The following HDAC2 variants were observed in gnomAD, a reference collection of about 807,000 sequenced individuals.
HDAC2 encodes the protein YY1-associated factor 1.
HDAC2 carries 5 observed loss-of-function variants against 68.5 expected under a neutral mutation model. The ratio of observed to expected loss-of-function variants is 0.07; its 90% CI spans 0.04 to 0.15. HDAC2 has a LOEUF of 0.15. HDAC2 is among the 10% of genes least tolerant of loss of function. The pLI is 1.00. For synonymous variants in HDAC2, 182 were observed against 191.3 expected (o/e 0.95, Z 0.40); for missense variants, 291 against 600.8 (o/e 0.48, Z 5.39).
chr6:113,956,461 T>C (rs2475631), intron 4 of HDAC2, 158 bp downstream of exon 4: 206,498 of 612,260 alleles, frequency 0.34, 35,872 homozygotes, highest in Admixed American at 0.38. Context: ...TCATAAAACA[T>C]AGAGGTTTGA....
intron 2 of HDAC2, 187 bp downstream of exon 2, chr6:113,959,719 G>T (rs1389653957): frequency 2.4e-6 from 1 of 413,994 alleles, no homozygotes; most frequent in Non-Finnish European, 4.3e-6. Context: ...TAAAGGAAAA[G>T]GAAAAAGAGG....
intron 2 of HDAC2, chr6:113,959,596 T>TAAAAAAAAAAAA (rs771822379): frequency 8.2e-6 from 1 of 122,238 alleles, no homozygotes. Context: ...ACAATTATTG[T>TAAAAAAAAAAAA]AAAAAAAAAA....
chr6:113,944,407 C>G lies in HDAC2; in HGVS notation c.1095G>C (p.Gln365His). Residue 365 changes from glutamine to histidine, a missense_variant, in exon 11 of 14, where the codon CAG becomes CAC. Coordinates refer to ENST00000519065, the MANE Select transcript of HDAC2 (RefSeq NM_001527.4). Reference protein sequence around the residue: ...NTPEYMEKIKQRLFENLRMLP... With the variant: ...NTPEYMEKIKHRLFENLRMLP... Reference sequence around the variant, plus strand: ...ACATGCGCAAATTTTCAAACAAACGCTGTCTAAATTACACATGCAAAGTTT... The same window carrying G: ...ACATGCGCAAATTTTCAAACAAACGGTGTCTAAATTACACATGCAAAGTTT... 2 of 1,612,712 alleles carry G rather than the reference C, an allele frequency of 1.2e-6. No homozygotes were observed. Among genetic ancestry groups the G allele is most frequent in the Non-Finnish European group, 1.7e-6 (2 of 1,179,128 alleles).
rs1309350317 is a variant in HDAC2 at position 113,936,664 on chromosome 6, G to A, written c.*4394C>T. On this transcript the variant is annotated 3_prime_UTR_variant, in exon 14 of 14. Transcript: ENST00000519065. ...ACTCAAAAATTTAACACTTCCCCTG[G>A]CACCACTCTCACCCATCTATCTACC... is the stretch of plus-strand genomic sequence containing the variant. 6.6e-6 allele frequency: 1 copy of A among 152,136 alleles called. No homozygotes were observed. Among genetic ancestry groups the A allele is most frequent in the African/African-American group, 2.4e-5 (1 of 41,390 alleles). 9.4% of individuals were successfully genotyped at this position (152,136 alleles called of 1,614,324 possible). A position where few individuals can be genotyped will look rare whatever the true frequency, so the allele number is the denominator to read the frequency against.
At chr6:113,968,619 G>C (rs927945265) in intron 1 of HDAC2, 1 of 152,144 alleles carries the variant, frequency 6.6e-6, no homozygotes, top group African/African-American at 2.4e-5. Flanking sequence ...ACAGACAAAA[G>C]ACAAAATAAC....
chr6:113,970,879 T>C lies in HDAC2; in HGVS notation c.30A>G (p.Lys10=). The change falls in exon 1 of 14, where the codon AAA becomes AAG. Residue 10 remains lysine (K), a synonymous_variant. Transcript: ENST00000519065. MAYSQGGGK[K]KVCYYYDGDI... is the part of the protein sequence containing the mutation. ...CACCGTCGTAGTAGTAGCAGACTTT[T>C]TTTTTGCCGCCTCCTTGACTGTACG... The C allele has an allele frequency of 6.5e-7, 1 of 1,545,650 alleles. No homozygotes were observed. The highest frequency in any genetic ancestry group is 8.7e-7 in the Non-Finnish European group (1 of 1,146,402).
At chr6:113,946,186 T>C in intron 8 of HDAC2, 38 bp from the exon 9 acceptor site, 2 of 1,563,924 alleles carry the variant, frequency 1.3e-6, no homozygotes, top group Non-Finnish European at 1.7e-6. Flanking sequence ...AAAATCTGCA[T>C]ACTGCAACAG....
intron 5 of HDAC2, 35 bp from the exon 6 acceptor site, chr6:113,953,453 TA>T: frequency 1.4e-6 from 2 of 1,381,674 alleles, no homozygotes; most frequent in Non-Finnish European, 2.0e-6. Flanking sequence ...GTTTTTCCTT[TA>T]AAGGTTCTAA....
intron 8 of HDAC2, chr6:113,947,856 T>C (rs1028161851): frequency 4.6e-5 from 7 of 152,154 alleles, no homozygotes; most frequent in African/African-American, 1.7e-4. Flanking sequence ...CTGTATTTAG[T>C]TATCCAATTC....
rs1369526607 is a variant in HDAC2 at position 113,938,779 on chromosome 6, G to C, written c.*2279C>G. The C allele has an allele frequency of 1.3e-5, 2 of 152,052 alleles. No individual in the cohort carries two copies. The highest frequency in any genetic ancestry group is 2.9e-5 in the Non-Finnish European group (2 of 67,988). The allele number at this position is 152,052 out of a possible 1,614,324, so 9.4% of individuals were successfully genotyped here. A position where few individuals can be genotyped will look rare whatever the true frequency, so the allele number is the denominator to read the frequency against. On this transcript the variant is annotated 3_prime_UTR_variant, in exon 14 of 14. Coordinates refer to ENST00000519065, the MANE Select transcript of HDAC2 (RefSeq NM_001527.4). ...AAAAATTTTGTTATTACAAATGGGG[G>C]TCTTTGTTCTTCCAACAGACTTGGT...
At position 113,939,386 on chromosome 6, in the gene HDAC2, A is replaced by G. The variant is rs1413124721; in HGVS notation, c.*1672T>C. On this transcript the variant is annotated 3_prime_UTR_variant, in exon 14 of 14. Coordinates refer to ENST00000519065, the MANE Select transcript of HDAC2 (RefSeq NM_001527.4). ...GTGATGGGTCCACCAAAATCCCACA[A>G]ATCACCACTAAAGAACTTAATCATG... 3 of 152,208 alleles carry G rather than the reference A, an allele frequency of 2.0e-5. No homozygotes were observed. The highest frequency in any genetic ancestry group is 4.4e-5 in the Non-Finnish European group (3 of 68,042). The allele number at this position is 152,208 out of a possible 1,614,324, so 9.4% of individuals were successfully genotyped here. A position where few individuals can be genotyped will look rare whatever the true frequency, so the allele number is the denominator to read the frequency against.
chr6:113,942,277 G>A (rs1276247214), intron 12 of HDAC2, among the ~76,000 whole-genome samples: 2 of 152,008 alleles, frequency 1.3e-5, no homozygotes, highest in African/African-American at 4.8e-5. Context: ...ATTTTTGGAT[G>A]TCAATCAGTT....
intron 2 of HDAC2, among the ~76,000 whole-genome samples, chr6:113,959,319 T>C (rs1044595207): frequency 6.6e-6 from 1 of 152,096 alleles, no homozygotes; most frequent in Non-Finnish European, 1.5e-5. Context: ...TATTCACATA[T>C]ATTGCCTAGC....
At chr6:113,949,732 G>A (rs764142976) in intron 6 of HDAC2, among the ~76,000 whole-genome samples, 2 of 151,844 alleles carry the variant, frequency 1.3e-5, no homozygotes, top group Non-Finnish European at 2.9e-5. Context: ...ATGAAAGAAC[G>A]ACCCACACTT....
Position 113,940,980 on chromosome 6 carries a change from G to T in HDAC2, c.*78C>A. The T allele has an allele frequency of 8.8e-7, 1 of 1,133,452 alleles. No individual in the cohort carries two copies. The highest frequency in any genetic ancestry group is 1.3e-6 in the Non-Finnish European group (1 of 759,364). 70.2% of individuals were successfully genotyped at this position (1,133,452 alleles called of 1,614,324 possible). ...GCCAAAGTAGTATAAAATGAAGCCA[G>T]AAGTCTTCAAAAAGAAAACATTTTC... is the stretch of plus-strand genomic sequence containing the variant. On this transcript the variant is annotated 3_prime_UTR_variant, in exon 14 of 14. Transcript: ENST00000519065.
Position 113,971,087 on chromosome 6 carries a change from C to G in HDAC2, c.-179G>C, listed in dbSNP as rs371775314. Reference sequence around the variant, plus strand: ...GGGCGCCGGGAAGGCTCGGTACCACCCGGCAGAGGTGCCGAAAGCTCGGAA... The same window carrying G: ...GGGCGCCGGGAAGGCTCGGTACCACGCGGCAGAGGTGCCGAAAGCTCGGAA... On this transcript the variant is annotated 5_prime_UTR_variant, in exon 1 of 14. Transcript: ENST00000519065. 5.8e-6 allele frequency: 9 copies of G among 1,550,436 alleles called. No individual in the cohort carries two copies. In the South Asian group the frequency reaches 1.1e-4, roughly 18 times the overall value.
In HDAC2 at chr6:113,970,704, T is replaced by C; in HGVS notation, c.52+153A>G. Reference sequence around the variant, plus strand: ...CTGCGCCAGGAAGAGGGTCTCGTTCTAACTGTGCCGGGCCGGGAACGGGTT... The same window carrying C: ...CTGCGCCAGGAAGAGGGTCTCGTTCCAACTGTGCCGGGCCGGGAACGGGTT... On this transcript the variant is annotated intron_variant, in intron 1 of 13. Coordinates refer to ENST00000519065, the MANE Select transcript of HDAC2 (RefSeq NM_001527.4). The C allele has an allele frequency of 2.2e-6, 3 of 1,389,674 alleles. No individual in the cohort carries two copies. The South Asian group carries it at 4.8e-5, about 22-fold the overall frequency. The allele number at this position is 1,389,674 out of a possible 1,614,324, so 86.1% of individuals were successfully genotyped here.
intron 1 of HDAC2, among the ~76,000 whole-genome samples, chr6:113,960,804 A>G (rs1261734918): frequency 6.6e-6 from 1 of 152,098 alleles, no homozygotes; most frequent in African/African-American, 2.4e-5. Flanking sequence ...TCAAATATAT[A>G]AAGTCAACCC....
At chr6:113,969,313 T>C (rs1303715747) in intron 1 of HDAC2, among the ~76,000 whole-genome samples, 1 of 152,244 alleles carries the variant, frequency 6.6e-6, no homozygotes, top group Non-Finnish European at 1.5e-5. Context: ...TTCTGTAAGA[T>C]TTCAGATTTT....
Sources: allele counts gnomAD v4.1 joint callset (sites outside exome capture counted in the v4.1 genomes callset), GRCh38; gene constraint gnomAD v4.1.1; transcripts MANE v1.5; gene names NCBI Gene and HGNC (gene_info 2026-07-23, HGNC 2026-07-21).